DNAH11: variants seen among roughly 807,000 people sequenced by gnomAD.
DNAH11 encodes the protein dynein axonemal heavy chain 11.
DNAH11 carries 442 observed loss-of-function variants against 526.0 expected under a neutral mutation model. The ratio of observed to expected loss-of-function variants is 0.84; its 90% CI spans 0.78 to 0.91. The LOEUF (loss-of-function observed/expected upper bound fraction) is 0.91. DNAH11 is among the 40% of genes least tolerant of loss of function. The pLI is 0.00. For missense variants in DNAH11, 6,989 were observed against 5,448.7 expected (o/e 1.28, Z -8.90); for synonymous variants, 2,461 against 1,935.9 (o/e 1.27, Z -7.12).
intron 74 of DNAH11, among the ~76,000 whole-genome samples, chr7:21,877,178 A>T (rs2128040586): frequency 6.6e-6 from 1 of 152,284 alleles, no homozygotes; most frequent in East Asian, 1.9e-4. Flanking sequence ...AGAGGTTTAG[A>T]CAAGTCAACT....
At chr7:21,844,851 C>T (rs984201688) in intron 66 of DNAH11, among the ~76,000 whole-genome samples, 1 of 152,124 alleles carries the variant, frequency 6.6e-6, no homozygotes. Flanking sequence ...CAAAGACAGC[C>T]ATGGGATCAA....
rs905593336 is a variant in DNAH11, at chr7:21,718,933, G to A, written c.7134+1008G>A. On this transcript the variant is annotated intron_variant, in intron 43 of 81. Coordinates refer to ENST00000409508, the MANE Select transcript of DNAH11 (RefSeq NM_001277115.2). ...ATTATCTGAGGTATAATTTATTTCC[G>A]AAAGCAGGTCTGAATTTGTTCATTA... is the stretch of plus-strand genomic sequence containing the variant. Among the ~76,000 whole-genome samples the A allele has an allele frequency of 1.1e-4, 16 of 152,224 alleles. No individual in the cohort carries two copies. In the East Asian group the frequency reaches 1.4e-3, roughly 13 times the overall value.
intron 8 of DNAH11, among the ~76,000 whole-genome samples, chr7:21,573,930 T>C (rs1485729281): frequency 6.6e-6 from 1 of 152,240 alleles, no homozygotes; most frequent in Non-Finnish European, 1.5e-5. Context: ...TGCTGTTGTT[T>C]ATTTCTCTTC....
At chr7:21,628,578 G>A (rs142325875) in intron 25 of DNAH11, among the ~76,000 whole-genome samples, 1 of 152,180 alleles carries the variant, frequency 6.6e-6, no homozygotes, top group East Asian at 1.9e-4. Flanking sequence ...TTCTATTGAT[G>A]TGCTACATCA....
intron 45 of DNAH11, 45 bp from the exon 46 acceptor site, chr7:21,735,595 C>T: frequency 1.3e-6 from 2 of 1,535,190 alleles, no homozygotes; most frequent in East Asian, 2.4e-5. Context: ...CGCACGCACT[C>T]TCTCTCTCTT....
chr7:21,744,646 G>T (rs1237496296), intron 50 of DNAH11, 47 bp downstream of exon 50: 5 of 1,594,504 alleles, frequency 3.1e-6, no homozygotes, highest in South Asian at 1.1e-5. Context: ...AACACCAACT[G>T]GGTATTGGGA....
intron 30 of DNAH11, among the ~76,000 whole-genome samples, 159 bp downstream of exon 30, chr7:21,659,190 T>C (rs1208842991): frequency 6.6e-6 from 1 of 151,184 alleles, no homozygotes; most frequent in Non-Finnish European, 1.5e-5. Context: ...TTTTTACCTT[T>C]GTGGTATCCT....
intron 39 of DNAH11, among the ~76,000 whole-genome samples, chr7:21,706,830 T>C (rs912378568): frequency 5.9e-5 from 9 of 152,188 alleles, no homozygotes; most frequent in African/African-American, 1.7e-4. Flanking sequence ...ATGATAAATA[T>C]CTAAGACAAA....
At chr7:21,852,399 T>A in intron 66 of DNAH11, 68 bp from the exon 67 acceptor site, 1 of 1,338,052 alleles carries the variant, frequency 7.5e-7, no homozygotes, top group African/African-American at 1.9e-5. Flanking sequence ...AGAGCAAGAC[T>A]TCCTCTAAAA....
intron 30 of DNAH11, among the ~76,000 whole-genome samples, chr7:21,672,607 CAG>C (rs903663693): frequency 1.3e-5 from 2 of 152,222 alleles, no homozygotes; most frequent in African/African-American, 4.8e-5. Context: ...AACTTTTCTG[CAG>C]AGTGGCCTCT....
intron 28 of DNAH11, among the ~76,000 whole-genome samples, chr7:21,644,293 T>C (rs1562723964): frequency 2.6e-5 from 4 of 152,066 alleles, no homozygotes; most frequent in Non-Finnish European, 5.9e-5. Context: ...GAGCTTCCAT[T>C]TGGTTATCTT....
chr7:21,816,884 T>C (rs1332257869), intron 64 of DNAH11, among the ~76,000 whole-genome samples, 182 bp downstream of exon 64: 1 of 152,208 alleles, frequency 6.6e-6, no homozygotes. Context: ...GCATTCTTGT[T>C]GGATGGCACC....
At chr7:21,670,537 T>A (rs1254548291) in intron 30 of DNAH11, among the ~76,000 whole-genome samples, 1 of 152,166 alleles carries the variant, frequency 6.6e-6, no homozygotes, top group African/African-American at 2.4e-5. Flanking sequence ...TTTCCTTTTT[T>A]TGAGCTATTG....
chr7:21,765,368 A>G, intron 54 of DNAH11, 60 bp from the exon 55 acceptor site: 5 of 1,608,096 alleles, frequency 3.1e-6, no homozygotes, highest in Middle Eastern at 1.7e-4. Context: ...TAAGATTGCA[A>G]TGTAATTCTC....
intron 72 of DNAH11, among the ~76,000 whole-genome samples, 193 bp from the exon 73 acceptor site, chr7:21,868,671 C>T (rs371779825): frequency 2.0e-5 from 3 of 152,184 alleles, no homozygotes; most frequent in African/African-American, 7.2e-5. Flanking sequence ...TTTTCTAATG[C>T]TTGCAATGAG....
At chr7:21,766,600 A>G (rs1471226491) in intron 55 of DNAH11, among the ~76,000 whole-genome samples, 2 of 152,130 alleles carry the variant, frequency 1.3e-5, no homozygotes, top group Non-Finnish European at 2.9e-5. Context: ...ATTTTGTTGT[A>G]TATTGTATCA....
At chr7:21,559,883 T>C in intron 4 of DNAH11, 91 bp downstream of exon 4, 1 of 1,095,926 alleles carries the variant, frequency 9.1e-7, no homozygotes, top group Non-Finnish European at 1.3e-6. Context: ...ACACACTGTC[T>C]TTGTATAATT....
intron 62 of DNAH11, among the ~76,000 whole-genome samples, chr7:21,801,503 C>T (rs554870753): frequency 8.5e-5 from 13 of 152,290 alleles, no homozygotes; most frequent in African/African-American, 3.1e-4. Context: ...TGATCTCCAA[C>T]GAAAACAGGG....
At chr7:21,879,006 C>T (rs1783813162) in intron 74 of DNAH11, among the ~76,000 whole-genome samples, 1 of 152,188 alleles carries the variant, frequency 6.6e-6, no homozygotes, top group African/African-American at 2.4e-5. Flanking sequence ...TTCCTTGCCT[C>T]ACAGAACTGC....
Sources: allele counts gnomAD v4.1 joint callset (sites outside exome capture counted in the v4.1 genomes callset), GRCh38; gene constraint gnomAD v4.1.1; transcripts MANE v1.5; gene names NCBI Gene and HGNC (gene_info 2026-07-23, HGNC 2026-07-21).